Variants in FAM114A1 observed in about 807,000 individuals in gnomAD.
FAM114A1 encodes the protein protein NOXP20.
Under a neutral mutation model 64.3 loss-of-function variants are expected in FAM114A1, and 62 were observed. The ratio of observed to expected loss-of-function variants is 0.96; its 90% CI spans 0.79 to 1.19. The LOEUF is 1.19. Ranked by LOEUF, FAM114A1 falls within the 50% of genes most tolerant of loss-of-function variation. FAM114A1 has a pLI of 0.00. For missense variants in FAM114A1, 645 were observed against 676.3 expected (o/e 0.95, Z 0.51); for synonymous variants, 254 against 251.1 (o/e 1.01, Z -0.11).
At chr4:38,926,738 G>C (rs987881299) in intron 9 of FAM114A1, among the ~76,000 whole-genome samples, 1 of 152,146 alleles carries the variant, frequency 6.6e-6, no homozygotes, top group African/African-American at 2.4e-5. Flanking sequence ...TTACAGGCGT[G>C]AGCCACTGTG....
chr4:38,887,203 A>C (rs1180901700), intron 3 of FAM114A1, among the ~76,000 whole-genome samples: 1 of 152,222 alleles, frequency 6.6e-6, no homozygotes, highest in Non-Finnish European at 1.5e-5. Context: ...CAAATGTTTA[A>C]TTGGGTTTAA....
At chr4:38,937,372 GTC>G (rs1431842185) in intron 13 of FAM114A1, among the ~76,000 whole-genome samples, 1 of 152,096 alleles carries the variant, frequency 6.6e-6, no homozygotes, top group Non-Finnish European at 1.5e-5. Context: ...CAAAACTCCA[GTC>G]TCTCTCTGTG....
rs6833642 is a variant in FAM114A1 at position 38,921,822 on chromosome 4, T to C, written c.946-948T>C. Among the ~76,000 whole-genome samples the C allele has an allele frequency of 5.3e-3, 803 of 152,330 alleles. 8 individuals carry two copies. The highest frequency in any genetic ancestry group is 0.018 in the African/African-American group (768 of 41,570). On this transcript the variant is annotated intron_variant, in intron 8 of 14. Transcript: ENST00000358869. ...CCTGCAAGATGTTGGAGAAGAAAAA[T>C]GTGTCTTGTGCATTTTTGTAAACCC...
rs549683998 is a variant in FAM114A1 at position 38,935,747 on chromosome 4, C to A, written c.1493C>A (p.Ala498Asp). ...KLTTAMCNEVASLSKKFTNSL... is the reference protein window; with the variant it reads ...KLTTAMCNEVDSLSKKFTNSL... ...ACTACTGCAATGTGCAATGAAGTGG[C>A]CTCTTTATCAAAGAAGTTTACGAAT... The change falls in exon 13 of 15, where the codon GCC becomes GAC. Residue 498 changes from alanine (A) to aspartate (D), a missense_variant. Ala to Asp is a moderately radical substitution (Grantham distance 126). Transcript: ENST00000358869. 3.1e-6 allele frequency: 5 copies of A among 1,611,616 alleles called. No individual in the cohort carries two copies. The African/African-American group carries it at 4.0e-5, about 13-fold the overall frequency.
At chr4:38,880,647 C>G (rs1397565007) in intron 3 of FAM114A1, among the ~76,000 whole-genome samples, 1 of 152,166 alleles carries the variant, frequency 6.6e-6, no homozygotes, top group East Asian at 1.9e-4. Context: ...CTTCCTGACT[C>G]CAGAGCCTGC....
chr4:38,889,884 C>T (rs569549963), intron 3 of FAM114A1, among the ~76,000 whole-genome samples: 31 of 152,236 alleles, frequency 2.0e-4, no homozygotes, highest in Admixed American at 6.5e-4. Flanking sequence ...AGTAGCTCAG[C>T]GGAGCCAGGA....
At chr4:38,943,390 A>T (rs887597054) in intron 14 of FAM114A1, 66 bp from the exon 15 acceptor site, 1 of 1,345,804 alleles carries the variant, frequency 7.4e-7, no homozygotes, top group South Asian at 1.2e-5. Flanking sequence ...ACATTATCCA[A>T]TTGGAAGTAT....
At chr4:38,873,354 C>T (rs944008953) in intron 2 of FAM114A1, among the ~76,000 whole-genome samples, 4 of 152,184 alleles carry the variant, frequency 2.6e-5, no homozygotes, top group Admixed American at 2.6e-4. Context: ...CATTTGGAAC[C>T]ATCTGCTGTA....
chr4:38,926,188 G>A (rs1048544731), intron 9 of FAM114A1, among the ~76,000 whole-genome samples: 3 of 152,328 alleles, frequency 2.0e-5, no homozygotes, highest in African/African-American at 4.8e-5. Context: ...ACTGGCCCCA[G>A]GCCACAGAAC....
chr4:38,924,611 G>A (rs1393476177), intron 9 of FAM114A1, among the ~76,000 whole-genome samples: 1 of 152,124 alleles, frequency 6.6e-6, no homozygotes, highest in Non-Finnish European at 1.5e-5. Flanking sequence ...CAAAATAAAA[G>A]AATCAATTAT....
At chr4:38,882,522 G>A (rs530787689) in intron 3 of FAM114A1, among the ~76,000 whole-genome samples, 3 of 151,942 alleles carry the variant, frequency 2.0e-5, no homozygotes, top group Admixed American at 6.6e-5. Flanking sequence ...CCAGCTACTC[G>A]AGAGGCTGAG....
chr4:38,918,667 A>G (rs1329813179), intron 8 of FAM114A1, among the ~76,000 whole-genome samples: 1 of 152,118 alleles, frequency 6.6e-6, no homozygotes, highest in African/African-American at 2.4e-5. Context: ...TAAAAGTTAA[A>G]TAATTTTGGG....
chr4:38,872,176 C>T (rs535093561), intron 2 of FAM114A1, among the ~76,000 whole-genome samples: 1 of 152,298 alleles, frequency 6.6e-6, no homozygotes, highest in Non-Finnish European at 1.5e-5. Context: ...AAGAGGTGGT[C>T]ACCTCATTAC....
intron 13 of FAM114A1, 110 bp downstream of exon 13, chr4:38,935,900 C>A: frequency 1.3e-6 from 1 of 781,692 alleles, no homozygotes; most frequent in South Asian, 1.7e-5. Context: ...TGAAGCTATG[C>A]CATGATGTAA....
intron 6 of FAM114A1, among the ~76,000 whole-genome samples, chr4:38,906,444 A>G (rs1718014259): frequency 6.6e-6 from 1 of 152,072 alleles, no homozygotes; most frequent in South Asian, 2.1e-4. Flanking sequence ...GCAGCAAAAC[A>G]TTGGTGAATA....
rs186674595 is a variant in FAM114A1, at chr4:38,940,087, C to T, written c.1537-881C>T. Among the ~76,000 whole-genome samples, 96 of 152,084 alleles carry T rather than the reference C, an allele frequency of 6.3e-4. No individual in the cohort carries two copies. The East Asian group carries it at 0.01, about 16-fold the overall frequency. ...TGTATTTTTAGTGGACACAGGGTTT[C>T]GCCATGTTGGCCGGGCTGGTCTCAA... On this transcript the variant is annotated intron_variant, in intron 13 of 14. Coordinates refer to ENST00000358869, the MANE Select transcript of FAM114A1 (RefSeq NM_138389.4).
intron 4 of FAM114A1, among the ~76,000 whole-genome samples, chr4:38,903,333 C>T (rs577594746): frequency 2.0e-5 from 3 of 152,206 alleles, no homozygotes; most frequent in South Asian, 2.1e-4. Context: ...CTGCAAGGGA[C>T]GGAGAAGGTG....
intron 9 of FAM114A1, among the ~76,000 whole-genome samples, chr4:38,927,915 C>T (rs1720281734): frequency 6.6e-6 from 1 of 152,204 alleles, no homozygotes; most frequent in Admixed American, 6.5e-5. Flanking sequence ...AACTCCTGAC[C>T]TCATGATCCA....
chr4:38,899,042 G>GAT (rs56102986), intron 4 of FAM114A1, among the ~76,000 whole-genome samples: 6,137 of 146,828 alleles, frequency 0.042, 197 homozygotes, highest in Middle Eastern at 0.12. Context: ...TATATATATA[G>GAT]ACAGATATAT....
Sources: allele counts gnomAD v4.1 joint callset (sites outside exome capture counted in the v4.1 genomes callset), GRCh38; gene constraint gnomAD v4.1.1; transcripts MANE v1.5; gene names NCBI Gene and HGNC (gene_info 2026-07-23, HGNC 2026-07-21).